MEGF11: variants seen among roughly 807,000 people sequenced by gnomAD.
The protein encoded by MEGF11 is multiple EGF like domains 11.
Under a neutral mutation model 146.6 loss-of-function variants are expected in MEGF11, and 126 were observed. That is an observed-to-expected ratio of 0.86 (90% CI 0.74 to 1.00). MEGF11 has a LOEUF of 1.00. Ranked by LOEUF, MEGF11 falls within the 50% of genes least tolerant of loss-of-function variation. The pLI is 0.00. For missense variants in MEGF11, 1,509 were observed against 1,521.2 expected (o/e 0.99, Z 0.13); for synonymous variants, 532 against 583.4 (o/e 0.91, Z 1.27).
chr15:65,922,453 A>G lies in MEGF11; in HGVS notation c.1842T>C (p.Tyr614=), dbSNP rs1405821106. The G allele has an allele frequency of 1.9e-6, 3 of 1,579,354 alleles. No homozygotes were observed. Among genetic ancestry groups the G allele is most frequent in the East Asian group, 2.3e-5 (1 of 43,084 alleles). The change falls in exon 15 of 26, where the codon TAT becomes TAC. Residue 614 remains tyrosine (Y), a synonymous_variant. Coordinates refer to ENST00000395614, the MANE Select transcript of MEGF11 (RefSeq NM_001385028.1). ...LCQRICPPGF[Y]GHGCAQPCPL... is the part of the protein sequence containing the mutation. ...GGCATGGCTGGGCGCAGCCGTGGCC[A>G]TAGAACCCAGGGGGGCAGACTGAGG...
intron 10 of MEGF11, among the ~76,000 whole-genome samples, chr15:65,940,290 G>T (rs973184097): frequency 6.6e-6 from 1 of 152,178 alleles, no homozygotes; most frequent in Non-Finnish European, 1.5e-5. Context: ...CACAAGAGTT[G>T]CATGCTTTAC....
intron 5 of MEGF11, among the ~76,000 whole-genome samples, chr15:66,061,122 A>T (rs2084889949): frequency 1.3e-5 from 2 of 152,234 alleles, no homozygotes; most frequent in East Asian, 3.9e-4. Flanking sequence ...TGTGACTCCC[A>T]GGCGCCTCAC....
chr15:65,929,991 C>G, intron 11 of MEGF11, 108 bp from the exon 12 acceptor site: 1 of 1,118,542 alleles, frequency 8.9e-7, no homozygotes, highest in Non-Finnish European at 1.3e-6. Flanking sequence ...CACTGCTTTC[C>G]TGAGGGCTGG....
intron 24 of MEGF11, 27 bp from the exon 25 acceptor site, chr15:65,898,961 A>T: frequency 6.2e-7 from 1 of 1,611,114 alleles, no homozygotes; most frequent in Non-Finnish European, 8.5e-7. Context: ...ATTTCTTAGG[A>T]CAAGCAAGAA....
chr15:65,935,348 A>G (rs2079739134), intron 10 of MEGF11, among the ~76,000 whole-genome samples: 2 of 144,584 alleles, frequency 1.4e-5, no homozygotes, highest in Admixed American at 1.4e-4. Flanking sequence ...AAAAAAAAAA[A>G]AAAAAAAAAA....
At chr15:65,953,830 G>A (rs1373160843) in intron 10 of MEGF11, among the ~76,000 whole-genome samples, 1 of 151,984 alleles carries the variant, frequency 6.6e-6, no homozygotes, top group Non-Finnish European at 1.5e-5. Context: ...CGTGACTAGG[G>A]CAGGCATGCC....
At chr15:66,096,885 C>T (rs1214052105) in intron 4 of MEGF11, among the ~76,000 whole-genome samples, 3 of 152,164 alleles carry the variant, frequency 2.0e-5, no homozygotes, top group Non-Finnish European at 2.9e-5. Flanking sequence ...TGGTCACTTC[C>T]CAAAGCCCCA....
intron 10 of MEGF11, among the ~76,000 whole-genome samples, chr15:65,956,561 A>G (rs964879207): frequency 7.2e-5 from 11 of 152,198 alleles, no homozygotes; most frequent in African/African-American, 2.2e-4. Context: ...TCCAAAGGCC[A>G]CACTCTTTCA....
At chr15:66,129,187 G>T (rs2088534406) in intron 1 of MEGF11, among the ~76,000 whole-genome samples, 1 of 152,342 alleles carries the variant, frequency 6.6e-6, no homozygotes, top group African/African-American at 2.4e-5. Context: ...CAACAAGGGG[G>T]TCCTCACAGA....
chr15:66,023,149 A>AC (rs1567206480), intron 5 of MEGF11, among the ~76,000 whole-genome samples: 3 of 151,084 alleles, frequency 2.0e-5, no homozygotes, highest in East Asian at 1.9e-4. Flanking sequence ...TCAAAAAAAA[A>AC]AAAAAACAAA....
intron 5 of MEGF11, among the ~76,000 whole-genome samples, chr15:66,076,828 C>T (rs535063811): frequency 2.0e-4 from 31 of 152,328 alleles, no homozygotes; most frequent in East Asian, 5.8e-4. Flanking sequence ...TTCCTTCCAA[C>T]GCCAAGGTAG....
intron 5 of MEGF11, among the ~76,000 whole-genome samples, chr15:66,088,447 T>C (rs2086198965): frequency 6.6e-6 from 1 of 151,558 alleles, no homozygotes; most frequent in Non-Finnish European, 1.5e-5. Context: ...AGGTCAGGAG[T>C]TCAAGGTCAG....
chr15:66,066,659 G>A (rs1011944516), intron 5 of MEGF11, among the ~76,000 whole-genome samples: 2 of 152,316 alleles, frequency 1.3e-5, no homozygotes, highest in East Asian at 3.9e-4. Context: ...GCGAGTCCCT[G>A]CCATCTCCTT....
intron 2 of MEGF11, 85 bp from the exon 3 acceptor site, chr15:66,124,085 C>T: frequency 9.1e-7 from 1 of 1,098,664 alleles, no homozygotes; most frequent in Non-Finnish European, 1.4e-6. Context: ...GCCCACAGCC[C>T]TGAGGCCAAG....
At chr15:66,085,649 C>T (rs1001438759) in intron 5 of MEGF11, among the ~76,000 whole-genome samples, 1 of 152,198 alleles carries the variant, frequency 6.6e-6, no homozygotes, top group Admixed American at 6.5e-5. Context: ...CAAGGGAATA[C>T]CCCATGGGAC....
rs140890596 is a variant in MEGF11 at position 66,124,914 on chromosome 15, A to G, written c.99-914T>C. Among the ~76,000 whole-genome samples, 111 of 152,354 alleles carry G rather than the reference A, an allele frequency of 7.3e-4. 1 individual carries two copies. The highest frequency in any genetic ancestry group is 1.2e-3 in the Non-Finnish European group (82 of 68,038). On this transcript the variant is annotated intron_variant, in intron 2 of 25. Transcript: ENST00000395614. ...AGAGGACCTCAGCTGAGATCTAAGG[A>G]ATTAATTTCTATGTAGGCTGGTATT...
intron 19 of MEGF11, among the ~76,000 whole-genome samples, chr15:65,914,979 C>T (rs1252561396): frequency 6.6e-6 from 1 of 152,230 alleles, no homozygotes; most frequent in African/African-American, 2.4e-5. Flanking sequence ...CCCCTTTAGG[C>T]CCTATGAGGT....
intron 1 of MEGF11, among the ~76,000 whole-genome samples, chr15:66,226,165 T>C (rs2091848629): frequency 6.6e-6 from 1 of 152,180 alleles, no homozygotes; most frequent in African/African-American, 2.4e-5. Flanking sequence ...AGACGCCCCC[T>C]GCCCATTGGT....
intron 5 of MEGF11, among the ~76,000 whole-genome samples, chr15:66,022,717 C>A (rs2083191967): frequency 6.6e-6 from 1 of 151,372 alleles, no homozygotes; most frequent in Admixed American, 6.6e-5. Context: ...GTACTTCTAG[C>A]TACTCAGGAG....
Sources: gnomAD v4.1 joint callset for allele counts (sites outside exome capture counted in the v4.1 genomes callset) on GRCh38, gnomAD v4.1.1 for gene constraint, MANE v1.5 for transcripts, NCBI Gene and HGNC (gene_info 2026-07-23, HGNC 2026-07-21) for gene names.